The following ADGRL2 variants were observed in gnomAD, a reference collection of about 807,000 sequenced individuals.
ADGRL2 encodes calcium-independent alpha-latrotoxin receptor 2.
A neutral mutation model predicts 157.4 loss-of-function variants in ADGRL2; 44 were observed. The ratio of observed to expected loss-of-function variants is 0.28; its 90% CI spans 0.22 to 0.36. The LOEUF (loss-of-function observed/expected upper bound fraction) is 0.36. Ranked by LOEUF, ADGRL2 falls within the 10% of genes least tolerant of loss-of-function variation. ADGRL2 has a pLI of 1.00. For synonymous variants in ADGRL2, 585 were observed against 624.7 expected (o/e 0.94, Z 0.95); for missense variants, 1,510 against 1,768.9 (o/e 0.85, Z 2.63).
intron 3 of ADGRL2, among the ~76,000 whole-genome samples, chr1:81,668,197 C>A (rs572373132): frequency 1.1e-4 from 17 of 152,016 alleles, no homozygotes; most frequent in African/African-American, 4.1e-4. Flanking sequence ...CGAAGTGGGG[C>A]GGATCACACA....
intron 1 of ADGRL2, among the ~76,000 whole-genome samples, chr1:81,757,391 TAGTC>T (rs1467818410): frequency 1.7e-4 from 26 of 152,146 alleles, no homozygotes; most frequent in Non-Finnish European, 3.4e-4. Flanking sequence ...CCTAGATTAA[TAGTC>T]AGACAAAATT....
At chr1:81,651,551 A>G (rs567287908) in intron 3 of ADGRL2, among the ~76,000 whole-genome samples, 52 of 152,352 alleles carry the variant, frequency 3.4e-4, no homozygotes, top group Middle Eastern at 3.4e-3. Flanking sequence ...ACAAATGTGG[A>G]GAATAAAGAA....
chr1:81,390,946 G>C (rs1273054033), intron 1 of ADGRL2, among the ~76,000 whole-genome samples: 1 of 152,302 alleles, frequency 6.6e-6, no homozygotes, highest in Non-Finnish European at 1.5e-5. Flanking sequence ...TTTTGCAGCT[G>C]CTGCGTCATG....
chr1:81,488,356 T>C (rs34802346), intron 2 of ADGRL2, among the ~76,000 whole-genome samples: 21,939 of 151,722 alleles, frequency 0.14, 1,667 homozygotes, highest in Admixed American at 0.18. Context: ...AACAGCAAAC[T>C]CTGGGGAAAG....
At chr1:81,942,529 T>C (rs1648423953) in intron 5 of ADGRL2, among the ~76,000 whole-genome samples, 1 of 151,948 alleles carries the variant, frequency 6.6e-6, no homozygotes, top group Non-Finnish European at 1.5e-5. Flanking sequence ...GTCTTCACAT[T>C]CGGTTTTCTG....
At chr1:81,622,177 T>A (rs996527524) in intron 3 of ADGRL2, among the ~76,000 whole-genome samples, 2 of 152,216 alleles carry the variant, frequency 1.3e-5, no homozygotes, top group African/African-American at 2.4e-5. Flanking sequence ...ATAATGGAGA[T>A]GACTCATCCA....
At chr1:81,581,870 G>GCA (rs1491157569) in intron 3 of ADGRL2, among the ~76,000 whole-genome samples, 2 of 15,518 alleles carry the variant, frequency 1.3e-4, no homozygotes, top group African/African-American at 4.0e-4. Flanking sequence ...CCACACACAT[G>GCA]CGCGCACACA....
intron 2 of ADGRL2, among the ~76,000 whole-genome samples, chr1:81,872,621 G>A (rs1383685413): frequency 5.3e-5 from 8 of 151,994 alleles, no homozygotes; most frequent in African/African-American, 1.9e-4. Flanking sequence ...GTTTCAGTTT[G>A]GCTGTTGTAA....
intron 2 of ADGRL2, among the ~76,000 whole-genome samples, chr1:81,863,855 T>C (rs2093458822): frequency 6.6e-6 from 1 of 152,154 alleles, no homozygotes; most frequent in Non-Finnish European, 1.5e-5. Context: ...TACAACACCC[T>C]AGATAGACTC....
chr1:81,571,736 G>A (rs1000723055), intron 2 of ADGRL2, among the ~76,000 whole-genome samples: 10 of 151,996 alleles, frequency 6.6e-5, no homozygotes, highest in African/African-American at 2.4e-4. Flanking sequence ...ACAGAATTAA[G>A]GGTGGATAAA....
chr1:81,594,180 A>G (rs531647744), intron 3 of ADGRL2, among the ~76,000 whole-genome samples: 2 of 152,288 alleles, frequency 1.3e-5, no homozygotes, highest in Non-Finnish European at 2.9e-5. Flanking sequence ...TCTGCCTGGC[A>G]CTTCTACTTC....
chr1:81,773,367 A>G (rs2086452256), intron 2 of ADGRL2, among the ~76,000 whole-genome samples: 1 of 152,216 alleles, frequency 6.6e-6, no homozygotes. Flanking sequence ...ATCATAGAAG[A>G]CAATGAATTA....
chr1:81,942,605 T>C (rs1648448551), intron 5 of ADGRL2, among the ~76,000 whole-genome samples: 2 of 151,876 alleles, frequency 1.3e-5, no homozygotes, highest in East Asian at 1.9e-4. Context: ...GGTTGAAAGG[T>C]ATAATGTTTG....
At chr1:81,441,264 A>AAAT (rs1370443260) in intron 1 of ADGRL2, among the ~76,000 whole-genome samples, 1 of 152,190 alleles carries the variant, frequency 6.6e-6, no homozygotes, top group African/African-American at 2.4e-5. Context: ...AATATTGATA[A>AAAT]AATTATTTGT....
chr1:81,722,705 G>A, intron 1 of ADGRL2: 1 of 1,031,454 alleles, frequency 9.7e-7, no homozygotes, highest in Non-Finnish European at 1.5e-6. Flanking sequence ...GAAAGTATGA[G>A]CGAAACGTGA....
intron 2 of ADGRL2, among the ~76,000 whole-genome samples, chr1:81,445,737 C>T (rs1341828669): frequency 1.3e-5 from 2 of 152,126 alleles, no homozygotes; most frequent in African/African-American, 2.4e-5. Flanking sequence ...CTTCAGAGCC[C>T]ACCTAAATTC....
intron 1 of ADGRL2, among the ~76,000 whole-genome samples, chr1:81,407,724 T>C (rs538624726): frequency 6.6e-6 from 1 of 152,288 alleles, no homozygotes; most frequent in African/African-American, 2.4e-5. Flanking sequence ...AGAAACATAA[T>C]CTGGCACAAA....
At chr1:81,354,937 T>G (rs1435822339) in intron 1 of ADGRL2, among the ~76,000 whole-genome samples, 1 of 152,154 alleles carries the variant, frequency 6.6e-6, no homozygotes, top group South Asian at 2.1e-4. Context: ...CTTCATCTTT[T>G]CCAGACATAT....
In ADGRL2 at chr1:81,943,236, A is replaced by G; in HGVS notation, c.677A>G (p.Asn226Ser). Residue 226 changes from asparagine (N) to serine (S), a missense_variant, in exon 6 of 24, where the codon AAC (asparagine) becomes AGC (serine). Transcript: ENST00000686636. The surrounding 1 kb of genome is among the most constrained non-coding windows in gnomAD (Gnocchi z 5.6). ...FVVYDGAVFFNKERTRNIVKF... is the reference protein window; with the variant it reads ...FVVYDGAVFFSKERTRNIVKF... ...GTGTATGATGGTGCTGTCTTCTTTA[A>G]CAAAGAAAGAACGAGGAATATTGTG... The G allele has an allele frequency of 6.2e-7, 1 of 1,613,664 alleles. No individual in the cohort carries two copies. The highest frequency in any genetic ancestry group is 8.5e-7 in the Non-Finnish European group (1 of 1,179,684).
Sources: allele counts gnomAD v4.1 joint callset (sites outside exome capture counted in the v4.1 genomes callset), GRCh38; gene constraint gnomAD v4.1.1; non-coding constraint Gnocchi (gnomAD v3.1); transcripts MANE v1.5; gene names NCBI Gene and HGNC (gene_info 2026-07-23, HGNC 2026-07-21).